Variants in LYST observed in about 807,000 individuals in gnomAD.
LYST encodes the protein lysosomal-trafficking regulator.
LYST carries 192 observed loss-of-function variants against 413.6 expected under a neutral mutation model. That is an observed-to-expected ratio of 0.46 (90% CI 0.41 to 0.52). The LOEUF is 0.52. Ranked by LOEUF, LYST falls within the 20% of genes least tolerant of loss-of-function variation. LYST has a pLI of 0.00. For synonymous variants in LYST, 1,525 were observed against 1,567.3 expected (o/e 0.97, Z 0.64); for missense variants, 3,815 against 4,499.9 (o/e 0.85, Z 4.35).
intron 28 of LYST, among the ~76,000 whole-genome samples, chr1:235,748,956 G>T (rs951514161): frequency 4.6e-5 from 7 of 152,118 alleles, no homozygotes; most frequent in African/African-American, 1.7e-4. Context: ...GGCTGGAGGT[G>T]TCACTCATCT....
intron 48 of LYST, among the ~76,000 whole-genome samples, chr1:235,680,401 T>G (rs961728305): frequency 2.6e-5 from 4 of 152,038 alleles, no homozygotes; most frequent in African/African-American, 9.7e-5. Flanking sequence ...ACTATAGGTA[T>G]GCACTACCAT....
intron 38 of LYST, 84 bp from the exon 39 acceptor site, chr1:235,724,264 A>C (rs1307595145): frequency 8.0e-7 from 1 of 1,252,200 alleles, no homozygotes; most frequent in African/African-American, 1.5e-5. Context: ...AAAGCATCAA[A>C]ATAAAACAGA....
At chr1:235,715,463 G>T in intron 41 of LYST, 106 bp from the exon 42 acceptor site, 1 of 1,067,108 alleles carries the variant, frequency 9.4e-7, no homozygotes, top group Non-Finnish European at 1.4e-6. Flanking sequence ...CCCCTTTGAG[G>T]CCATTCTCCA....
intron 16 of LYST, among the ~76,000 whole-genome samples, chr1:235,777,779 A>G (rs1464747551): frequency 6.6e-6 from 1 of 152,208 alleles, no homozygotes; most frequent in Non-Finnish European, 1.5e-5. Context: ...ATAAAATTCC[A>G]GATTGTCAAC....
At chr1:235,883,498 C>T (rs997015079) in exon 1 of LYST, 2 of 152,744 alleles carry the variant, frequency 1.3e-5, no homozygotes, top group African/African-American at 4.8e-5. Context: ...AAGCTTCATG[C>T]ACCACAGAAA....
chr1:235,876,289 A>G (rs1226623313), intron 1 of LYST, among the ~76,000 whole-genome samples: 1 of 152,186 alleles, frequency 6.6e-6, no homozygotes, highest in Non-Finnish European at 1.5e-5. Context: ...CATGGCCAAA[A>G]AAACAAAACA....
chr1:235,712,719 A>C, intron 42 of LYST: 1 of 984,626 alleles, frequency 1.0e-6, no homozygotes, highest in Non-Finnish European at 1.2e-6. Context: ...GTTACGGTGC[A>C]TTGTTTTTTG....
At chr1:235,881,577 C>A (rs1342671250) in intron 1 of LYST, among the ~76,000 whole-genome samples, 2 of 152,022 alleles carry the variant, frequency 1.3e-5, no homozygotes, top group Non-Finnish European at 2.9e-5. Flanking sequence ...TGCAAGTGTC[C>A]ATTGATAGAT....
chr1:235,847,970 GTCA>G (rs1255817411), intron 1 of LYST, among the ~76,000 whole-genome samples: 1 of 152,090 alleles, frequency 6.6e-6, no homozygotes, highest in Non-Finnish European at 1.5e-5. Context: ...GACCAGACAG[GTCA>G]TCAACACAGA....
chr1:235,717,490 T>C (rs1023640701), intron 40 of LYST, among the ~76,000 whole-genome samples: 3 of 152,134 alleles, frequency 2.0e-5, no homozygotes, highest in African/African-American at 7.2e-5. Context: ...TTTTACAAGC[T>C]ACAGAATCAT....
rs138273217 is a variant in LYST at position 235,788,080 on chromosome 1, T to G, written c.4688+621A>C. On this transcript the variant is annotated intron_variant, in intron 13 of 52. Coordinates refer to ENST00000389793, the MANE Select transcript of LYST (RefSeq NM_000081.4). ...ATTACAATCTGATAGAATATTTCCA[T>G]AGCATAAGACTTCAGTATTTGATCT... 4.4e-4 allele frequency among the ~76,000 whole-genome samples: 67 copies of G among 152,312 alleles called. No homozygotes were observed. The East Asian group carries it at 0.011, about 26-fold the overall frequency.
upstream of LYST, among the ~76,000 whole-genome samples, chr1:235,869,099 G>T (rs1414230948): frequency 6.6e-6 from 1 of 152,092 alleles, no homozygotes; most frequent in Non-Finnish European, 1.5e-5. Context: ...TAGTTTAAAA[G>T]ATTTCCTAGG....
At chr1:235,807,154 G>A (rs1365372109) in intron 5 of LYST, among the ~76,000 whole-genome samples, 1 of 152,164 alleles carries the variant, frequency 6.6e-6, no homozygotes, top group Admixed American at 6.6e-5. Flanking sequence ...GCAAGCACGT[G>A]TTTGTTCATT....
intron 3 of LYST, among the ~76,000 whole-genome samples, chr1:235,820,114 A>G (rs565766930): frequency 1.3e-5 from 2 of 152,254 alleles, no homozygotes; most frequent in East Asian, 1.9e-4. Flanking sequence ...GGCCCTTTTC[A>G]TAACTATTGT....
intron 40 of LYST, among the ~76,000 whole-genome samples, chr1:235,717,580 C>T (rs1185044990): frequency 1.3e-5 from 2 of 152,116 alleles, no homozygotes; most frequent in Non-Finnish European, 2.9e-5. Flanking sequence ...GCTGAGGAAC[C>T]ATCTGGTCTG....
chr1:235,665,507 G>A (rs1355995144), intron 50 of LYST, among the ~76,000 whole-genome samples: 1 of 151,554 alleles, frequency 6.6e-6, no homozygotes, highest in African/African-American at 2.4e-5. Context: ...AGCTACTAGG[G>A]AGGCTGAGGC....
chr1:235,846,415 A>C (rs112997604), intron 1 of LYST, among the ~76,000 whole-genome samples: 1 of 152,102 alleles, frequency 6.6e-6, no homozygotes, highest in Admixed American at 6.5e-5. Context: ...AGCCTACCCA[A>C]ATGAGAAGGA....
At chr1:235,737,916 A>AAG in intron 31 of LYST, 38 of 1,163,406 alleles carry the variant, frequency 3.3e-5, no homozygotes, top group Admixed American at 2.2e-4. Flanking sequence ...GCTGCCGACG[A>AAG]GTCTGGATCT....
At position 235,803,387 on chromosome 1, in the gene LYST, T is replaced by G. The variant is rs10926730; in HGVS notation, c.3556-323A>C. 0.035 allele frequency among the ~76,000 whole-genome samples: 5,393 copies of G among 152,212 alleles called. 312 individuals are homozygous for G. The highest frequency in any genetic ancestry group is 0.12 in the African/African-American group (5,103 of 41,510). On this transcript the variant is annotated intron_variant, in intron 7 of 52. Coordinates refer to ENST00000389793, the MANE Select transcript of LYST (RefSeq NM_000081.4). ...AAACCACAATGTGGTAAAATTTTAC[T>G]TCATACAATTTAATACTAATATATA...
Sources: allele counts gnomAD v4.1 joint callset (sites outside exome capture counted in the v4.1 genomes callset), GRCh38; gene constraint gnomAD v4.1.1; transcripts MANE v1.5; gene names NCBI Gene and HGNC (gene_info 2026-07-23, HGNC 2026-07-21).